MAGI2: variants seen among roughly 807,000 people sequenced by gnomAD.
MAGI2 encodes membrane-associated guanylate kinase, WW and PDZ domain-containing protein 2.
Under a neutral mutation model 133.3 loss-of-function variants are expected in MAGI2, and 35 were observed. The observed-to-expected ratio is 0.26, with a 90% confidence interval of 0.20 to 0.35. The LOEUF (loss-of-function observed/expected upper bound fraction) is 0.35, where lower values mean the gene tolerates loss of function less well. Among genes scored for constraint, MAGI2 ranks in the 10% least tolerant of loss-of-function variants. MAGI2 has a pLI of 1.00. For missense variants in MAGI2, 1,636 were observed against 1,863.4 expected, an observed-to-expected ratio of 0.88 and a Z score of 2.25; for synonymous variants, 729 against 710.6, an observed-to-expected ratio of 1.03 and a Z score of -0.41.
chr7:78,177,283 G>T (rs1481153546), intron 14 of MAGI2, among the ~76,000 whole-genome samples: 2 of 152,058 alleles, frequency 1.3e-5, no homozygotes, highest in South Asian at 2.1e-4. Flanking sequence ...TAGTCACATT[G>T]GGTACCATTT....
chr7:78,440,933 C>CA (rs1235231707), intron 6 of MAGI2, among the ~76,000 whole-genome samples: 3 of 152,066 alleles, frequency 2.0e-5, no homozygotes, highest in Non-Finnish European at 4.4e-5. Context: ...CACCTGGCAA[C>CA]AGAGTGAGAC....
chr7:78,541,711 G>C (rs1337593052), intron 3 of MAGI2, among the ~76,000 whole-genome samples: 1 of 152,148 alleles, frequency 6.6e-6, no homozygotes, highest in Non-Finnish European at 1.5e-5. Flanking sequence ...GTCACTCTAG[G>C]TCATTAGAAT....
intron 2 of MAGI2, among the ~76,000 whole-genome samples, chr7:78,701,570 T>C (rs188175536): frequency 3.3e-5 from 5 of 152,052 alleles, no homozygotes; most frequent in African/African-American, 9.6e-5. Flanking sequence ...AAGGTGGTAT[T>C]TGTGCTAAGA....
intron 18 of MAGI2, among the ~76,000 whole-genome samples, chr7:78,128,097 T>A (rs1400337380): frequency 6.6e-6 from 1 of 152,156 alleles, no homozygotes; most frequent in Non-Finnish European, 1.5e-5. Flanking sequence ...CATCAAATAC[T>A]ACTGTGGTCA....
At chr7:78,261,048 C>T (rs1262522017) in intron 9 of MAGI2, among the ~76,000 whole-genome samples, 1 of 152,074 alleles carries the variant, frequency 6.6e-6, no homozygotes, top group African/African-American at 2.4e-5. Context: ...TCCTTTTCAA[C>T]ATCTCTCACT....
At chr7:79,115,108 G>C (rs141376881) in intron 1 of MAGI2, among the ~76,000 whole-genome samples, 1 of 152,144 alleles carries the variant, frequency 6.6e-6, no homozygotes, top group Non-Finnish European at 1.5e-5. Flanking sequence ...CAAGAGGATC[G>C]GGGGAGGAAG....
In MAGI2 at chr7:78,238,719, C is replaced by T. The variant is rs1324869030; in HGVS notation, c.2047+17224G>A. ...AGTGGAAGCCAGCTTGCCTGCCTGC[C>T]TGTTTCCATCCTTGCTCACCAACAG... On this transcript the variant is annotated intron_variant, in intron 10 of 21. Coordinates refer to ENST00000354212, the MANE Select transcript of MAGI2 (RefSeq NM_012301.4). Among the ~76,000 whole-genome samples the T allele has an allele frequency of 6.6e-5, 10 of 152,234 alleles. 1 individual carries two copies. Among genetic ancestry groups the T allele is most frequent in the Admixed American group, 5.2e-4 (8 of 15,272 alleles).
intron 2 of MAGI2, among the ~76,000 whole-genome samples, chr7:78,650,674 T>C (rs1172924116): frequency 1.3e-5 from 2 of 152,094 alleles, no homozygotes; most frequent in African/African-American, 4.8e-5. Context: ...ATATAATCAT[T>C]ACCATTCCAA....
At chr7:79,229,660 C>T (rs1485137176) in intron 1 of MAGI2, among the ~76,000 whole-genome samples, 1 of 152,120 alleles carries the variant, frequency 6.6e-6, no homozygotes, top group Non-Finnish European at 1.5e-5. Flanking sequence ...AGATTCTGGG[C>T]TCCAGTTGCA....
intron 5 of MAGI2, among the ~76,000 whole-genome samples, chr7:78,498,549 A>T (rs761517407): frequency 6.6e-6 from 1 of 152,190 alleles, no homozygotes; most frequent in Admixed American, 6.5e-5. Flanking sequence ...ATCAGTGAAT[A>T]CTAAAGAAAA....
chr7:78,290,412 A>G (rs144053074), intron 9 of MAGI2, among the ~76,000 whole-genome samples: 3,717 of 152,310 alleles, frequency 0.024, 58 homozygotes, highest in East Asian at 0.049. Flanking sequence ...CTAAATATAT[A>G]TGCACCCAAT....
At chr7:79,073,258 G>C (rs1380631122) in intron 1 of MAGI2, among the ~76,000 whole-genome samples, 1 of 152,112 alleles carries the variant, frequency 6.6e-6, no homozygotes, top group Admixed American at 6.5e-5. Flanking sequence ...TGACTCCTGA[G>C]ATTGGCCAGT....
chr7:78,344,155 G>A (rs903714495), intron 8 of MAGI2, among the ~76,000 whole-genome samples, 195 bp from the exon 9 acceptor site: 1 of 152,134 alleles, frequency 6.6e-6, no homozygotes, highest in Non-Finnish European at 1.5e-5. Flanking sequence ...GCAGTCCCAA[G>A]CATCCAGGGA....
chr7:79,394,048 G>A (rs940529813), intron 1 of MAGI2, among the ~76,000 whole-genome samples: 24 of 152,132 alleles, frequency 1.6e-4, no homozygotes, highest in African/African-American at 5.1e-4. Flanking sequence ...CTGCTGCCAA[G>A]TCACTGGTGT....
chr7:78,105,697 G>A (rs1019643987), intron 20 of MAGI2, among the ~76,000 whole-genome samples: 5 of 151,618 alleles, frequency 3.3e-5, no homozygotes, highest in South Asian at 4.2e-4. Context: ...TGTTATTGTT[G>A]TATTTTCCTT....
At chr7:79,387,903 C>T (rs1222599177) in intron 1 of MAGI2, among the ~76,000 whole-genome samples, 8 of 151,670 alleles carry the variant, frequency 5.3e-5, no homozygotes, top group Non-Finnish European at 8.8e-5. Context: ...TTGATTTAAA[C>T]GACCTGATTT....
chr7:79,321,469 C>T (rs112247265), intron 1 of MAGI2, among the ~76,000 whole-genome samples: 1 of 151,936 alleles, frequency 6.6e-6, no homozygotes, highest in African/African-American at 2.4e-5. Context: ...GATCCAACCA[C>T]GTTAACATTC....
At chr7:78,093,136 C>CAAAAAA (rs1157039018) in intron 20 of MAGI2, among the ~76,000 whole-genome samples, 14 of 32,332 alleles carry the variant, frequency 4.3e-4, no homozygotes, top group Non-Finnish European at 6.5e-4. Context: ...ACTCCTTCTC[C>CAAAAAA]AAAAAAAAAA....
intron 2 of MAGI2, among the ~76,000 whole-genome samples, chr7:78,684,807 A>G (rs1237537010): frequency 6.6e-6 from 1 of 152,196 alleles, no homozygotes; most frequent in African/African-American, 2.4e-5. Flanking sequence ...AACATTCACT[A>G]TGTTCCACAC....
Sources: allele counts gnomAD v4.1 joint callset (sites outside exome capture counted in the v4.1 genomes callset), GRCh38; gene constraint gnomAD v4.1.1; transcripts MANE v1.5; gene names NCBI Gene and HGNC (gene_info 2026-07-23, HGNC 2026-07-21).